Variants in PRR14 observed in about 807,000 individuals in gnomAD.
The protein encoded by PRR14 is proline rich 14, also known as proline-rich protein 14.
In PRR14, 33 loss-of-function variants were observed where a neutral mutation model predicts 57.2. The ratio of observed to expected loss-of-function variants is 0.58; its 90% confidence interval spans 0.44 to 0.77. The LOEUF is 0.77. PRR14 is among the 30% of genes least tolerant of loss of function. PRR14 has a pLI of 0.00. For missense variants in PRR14, 716 were observed against 788.1 expected (o/e 0.91, Z 1.10); for synonymous variants, 303 against 314.7 (o/e 0.96, Z 0.39).
Position 30,655,596 on chromosome 16 carries a change from G to A in PRR14, c.1406+3G>A, listed in dbSNP as rs1213972935. 2.5e-6 allele frequency: 4 copies of A among 1,613,812 alleles called. No homozygotes were observed. Among genetic ancestry groups the A allele is most frequent in the South Asian group, 2.2e-5 (2 of 91,074 alleles). On this transcript the variant is annotated splice_donor_region_variant and intron_variant, in intron 10 of 11. Transcript: ENST00000300835. This position sits in a 1 kb window ranked among gnomAD's most constrained non-coding sequence, Gnocchi z 4.6. ...ATGGGACTGCCTCGACCAATCAGGT[G>A]AGGGGCTCACTGGGCATTGAGCCAT...
Position 30,653,378 on chromosome 16 carries a change from A to G in PRR14, c.518A>G (p.Glu173Gly). The G allele has an allele frequency of 1.2e-6, 2 of 1,613,896 alleles. No individual in the cohort carries two copies. The highest frequency in any genetic ancestry group is 1.7e-6 in the Non-Finnish European group (2 of 1,179,980). The change falls in exon 6 of 12, where the codon GAG (glutamate) becomes GGG (glycine). Residue 173 changes from glutamate (E) to glycine (G), a missense_variant. Glu to Gly is a moderately conservative substitution (Grantham distance 98, BLOSUM62 -2). Transcript: ENST00000300835. ...PRPPAEGFID[E>G]TPNFIIPAQR... ...ATTTTTATCCAGGGCTTCATTGATG[A>G]GACCCCCAACTTCATCATCCCAGCA...
intron 7 of PRR14, 71 bp downstream of exon 7, chr16:30,654,410 G>A: frequency 7.5e-7 from 1 of 1,342,128 alleles, no homozygotes; most frequent in Admixed American, 1.7e-5. Context: ...GGAAGTGTCA[G>A]GTACAGAGTT....
chr16:30,652,957 A>T lies in PRR14; in HGVS notation c.358A>T (p.Ile120Phe). 6.2e-7 allele frequency: 1 copy of T among 1,614,068 alleles called. No individual in the cohort carries two copies. The highest frequency in any genetic ancestry group is 2.2e-5 in the East Asian group (1 of 44,870). Residue 120 changes from isoleucine to phenylalanine, a missense_variant, in exon 5 of 12, where the codon ATC becomes TTC. Ile to Phe is a conservative substitution (Grantham distance 21). Transcript: ENST00000300835. ...LCLCREPLSR[I>F]HRTSSTLRRR... ...TTTGTGTCGCGAGCCCTTGAGCCGC[A>T]TCCACCGGACCTCTTCCACCCTGAG...
In PRR14 at chr16:30,653,079, C is replaced by A. The variant is rs139244929; in HGVS notation, c.480C>A (p.Ile160=). ...CCCTGGTGGTGATGCTGGAAGACAT[C>A]GCCAGTCCTAGACCCCCCGCTGAGG... is the stretch of plus-strand genomic sequence containing the variant. ...QPTLVVMLED[I]ASPRPPAEGF... Residue 160 remains isoleucine (I), a synonymous_variant, in exon 5 of 12, where the codon ATC becomes ATA. Coordinates refer to ENST00000300835, the MANE Select transcript of PRR14 (RefSeq NM_024031.5). 8 of 1,611,616 alleles carry A rather than the reference C, an allele frequency of 5.0e-6. 1 individual carries two copies. In the South Asian group the frequency reaches 8.8e-5, roughly 18 times the overall value.
Position 30,652,991 on chromosome 16 carries a change from C to T in PRR14, c.392C>T (p.Ser131Leu). 6.2e-7 allele frequency: 1 copy of T among 1,614,164 alleles called. No homozygotes were observed. The highest frequency in any genetic ancestry group is 8.5e-7 in the Non-Finnish European group (1 of 1,180,034). Residue 131 changes from serine to leucine, a missense_variant, in exon 5 of 12, where the codon TCA becomes TTA. Transcript: ENST00000300835. ...ACCTCTTCCACCCTGAGGCGGCGAT[C>T]AAGGACAACCCCTGGCCCAGAGGAG... ...HRTSSTLRRR[S>L]RTTPGPEEGP...
Position 30,656,135 on chromosome 16 carries a change from C to A in PRR14, c.1582C>A (p.Leu528Ile), listed in dbSNP as rs746676654. The A allele has an allele frequency of 8.9e-6, 14 of 1,578,472 alleles. No individual in the cohort carries two copies. The highest frequency in any genetic ancestry group is 1.2e-5 in the Non-Finnish European group (14 of 1,163,956). The change falls in exon 12 of 12, where the codon CTT becomes ATT. Residue 528 changes from leucine (L) to isoleucine (I), a missense_variant. By Grantham distance (5) the Leu-to-Ile change is conservative. Coordinates refer to ENST00000300835, the MANE Select transcript of PRR14 (RefSeq NM_024031.5). ...GGCTGTGGAATTTCGGGACAGCAGCCTTCCTCGATCACGAAGACCGTCCCG... is the reference window on the plus strand; with the variant it reads ...GGCTGTGGAATTTCGGGACAGCAGCATTCCTCGATCACGAAGACCGTCCCG... ...RRAVEFRDSS[L>I]PRSRRPSRGV...
chr16:30,655,460 T>C lies in PRR14; in HGVS notation c.1314+40T>C. ...CGGGTAGAAGAGACTAGTGGGGGCC[T>C]GAGCCCATGTCACTCTTTCACCCTC... On this transcript the variant is annotated intron_variant, in intron 9 of 11. Transcript: ENST00000300835. This position sits in a 1 kb window ranked among gnomAD's most constrained non-coding sequence, Gnocchi z 4.6. 1 of 1,613,184 alleles carries C rather than the reference T, an allele frequency of 6.2e-7. No homozygotes were observed. Among genetic ancestry groups the C allele is most frequent in the Non-Finnish European group, 8.5e-7 (1 of 1,179,126 alleles).
In PRR14 at chr16:30,655,231, AC is replaced by A. The variant is rs766786613; in HGVS notation, c.1244+22del. 1.2e-4 allele frequency: 187 copies of A among 1,585,558 alleles called. 1 individual carries two copies. The highest frequency in any genetic ancestry group is 1.9e-4 in the Admixed American group (11 of 57,292). On this transcript the variant is annotated intron_variant, in intron 8 of 11. Transcript: ENST00000300835. The surrounding 1 kb of genome is among the most constrained non-coding windows in gnomAD (Gnocchi z 4.6). ...AGAACCCAGGTAGTGCTCTCAAAAA[AC>A]CCCCTTGAAGCCTGGCTGCAGCCTG...
Position 30,655,791 on chromosome 16 carries a change from T to C in PRR14, c.1407-77T>C. 6.6e-7 allele frequency: 1 copy of C among 1,520,932 alleles called. No homozygotes were observed. The highest frequency in any genetic ancestry group is 9.1e-7 in the Non-Finnish European group (1 of 1,095,324). The allele number at this position is 1,520,932 out of a possible 1,614,324, so 94.2% of individuals were successfully genotyped here. On this transcript the variant is annotated intron_variant, in intron 10 of 11. Coordinates refer to ENST00000300835, the MANE Select transcript of PRR14 (RefSeq NM_024031.5). The surrounding 1 kb of genome is among the most constrained non-coding windows in gnomAD (Gnocchi z 4.6). ...CCCTGACATGTCCCAGAAACTGAAA[T>C]ACAGACCAGGCCTTACCTGTCCCTT...
chr16:30,651,709 G>C lies in PRR14; in HGVS notation c.23+41G>C. On this transcript the variant is annotated intron_variant, in intron 2 of 11. Transcript: ENST00000300835. This position sits in a 1 kb window ranked among gnomAD's most constrained non-coding sequence, Gnocchi z 5.0. Reference sequence around the variant, plus strand: ...GGCGGCCCGCCTGTCTTGACCCCGGGAGATGGGGATCCTGGCGACCGTGCC... The same window carrying C: ...GGCGGCCCGCCTGTCTTGACCCCGGCAGATGGGGATCCTGGCGACCGTGCC... The C allele has an allele frequency of 6.2e-7, 1 of 1,612,394 alleles. No homozygotes were observed. Among genetic ancestry groups the C allele is most frequent in the Non-Finnish European group, 8.5e-7 (1 of 1,179,730 alleles).
At chr16:30,652,349 C>G (rs1159200055) in intron 3 of PRR14, 1 of 565,330 alleles carries the variant, frequency 1.8e-6, no homozygotes, top group East Asian at 4.0e-5. Flanking sequence ...GCGTGAGCCA[C>G]GGCGCTGGGC....
chr16:30,652,548 C>T (rs774013313), intron 3 of PRR14, 173 bp from the exon 4 acceptor site: 9 of 759,766 alleles, frequency 1.2e-5, no homozygotes, highest in African/African-American at 1.7e-5. Context: ...GTTTAGGACT[C>T]TTAATATCTG....
chr16:30,651,753 C>G lies in PRR14; in HGVS notation c.24-43C>G, dbSNP rs759893903. The G allele has an allele frequency of 6.2e-7, 1 of 1,610,560 alleles. No individual in the cohort carries two copies. The highest frequency in any genetic ancestry group is 8.5e-7 in the Non-Finnish European group (1 of 1,179,778). On this transcript the variant is annotated intron_variant, in intron 2 of 11. Transcript: ENST00000300835. This position sits in a 1 kb window ranked among gnomAD's most constrained non-coding sequence, Gnocchi z 5.0. ...CCGTGCCGGGAAACTACAGAGCCAG[C>G]GACAGGTTCGGGCGACCGTCCTCTG...
intron 3 of PRR14, chr16:30,652,439 A>C (rs974058618): frequency 7.6e-5 from 43 of 568,424 alleles, no homozygotes; most frequent in Non-Finnish European, 1.2e-4. Flanking sequence ...ACAGATAAGA[A>C]AAACTGGCCC....
At position 30,654,934 on chromosome 16, in the gene PRR14, C is replaced by T. The variant is rs773382408; in HGVS notation, c.964C>T (p.Leu322Phe). ...AACTCAGGACCACAATACCCCAGCACTTCTCCCTAAGCCCTCTCTGGGCCG... is the reference window on the plus strand; with the variant it reads ...AACTCAGGACCACAATACCCCAGCATTTCTCCCTAAGCCCTCTCTGGGCCG... ...WRTQDHNTPA[L>F]LPKPSLGRSY... Residue 322 changes from leucine (L) to phenylalanine (F), a missense_variant, in exon 8 of 12, where the codon CTT becomes TTT. Physicochemically the swap from Leu to Phe is conservative, Grantham distance 22. Transcript: ENST00000300835. 6.2e-7 allele frequency: 1 copy of T among 1,612,944 alleles called. No homozygotes were observed. Among genetic ancestry groups the T allele is most frequent in the East Asian group, 2.2e-5 (1 of 44,882 alleles).
At chr16:30,654,435 A>G in intron 7 of PRR14, 96 bp downstream of exon 7, 1 of 1,122,006 alleles carries the variant, frequency 8.9e-7, no homozygotes, top group South Asian at 1.3e-5. Flanking sequence ...ATAGGGCTTA[A>G]GCCACCTCCC....
In PRR14 at chr16:30,655,232, C is replaced by A. The variant is rs1567539631; in HGVS notation, c.1244+18C>A. 8 of 1,590,536 alleles carry A rather than the reference C, an allele frequency of 5.0e-6. No homozygotes were observed. The highest frequency in any genetic ancestry group is 6.9e-6 in the Non-Finnish European group (8 of 1,166,174). ...GAACCCAGGTAGTGCTCTCAAAAAA[C>A]CCCCTTGAAGCCTGGCTGCAGCCTG... On this transcript the variant is annotated intron_variant, in intron 8 of 11. Transcript: ENST00000300835. This position sits in a 1 kb window ranked among gnomAD's most constrained non-coding sequence, Gnocchi z 4.6.
At chr16:30,653,497 TC>T in intron 6 of PRR14, 89 bp downstream of exon 6, 1 of 1,321,776 alleles carries the variant, frequency 7.6e-7, no homozygotes, top group Non-Finnish European at 1.1e-6. Flanking sequence ...GACTGACTGA[TC>T]CAATCCTTCC....
chr16:30,655,260 C>A lies in PRR14; in HGVS notation c.1244+46C>A. 1.9e-6 allele frequency: 3 copies of A among 1,597,438 alleles called. No individual in the cohort carries two copies. The highest frequency in any genetic ancestry group is 2.2e-5 in the South Asian group (2 of 90,086). On this transcript the variant is annotated intron_variant, in intron 8 of 11. Transcript: ENST00000300835. This position sits in a 1 kb window ranked among gnomAD's most constrained non-coding sequence, Gnocchi z 4.6. ...CCTTGAAGCCTGGCTGCAGCCTGGT[C>A]CCAGCCTCCTTCCCTGAGTATCCAG...
Sources: gnomAD v4.1 joint callset for allele counts on GRCh38, gnomAD v4.1.1 for gene constraint, Gnocchi (gnomAD v3.1) non-coding constraint, MANE v1.5 for transcripts, NCBI Gene and HGNC (gene_info 2026-07-23, HGNC 2026-07-21) for gene names.